Variants in ADGRL3 observed in about 807,000 individuals in gnomAD.
The protein encoded by ADGRL3 is adhesion G protein-coupled receptor L3, also known as calcium-independent alpha-latrotoxin receptor 3.
ADGRL3 carries 62 observed loss-of-function variants against 153.5 expected under a neutral mutation model. That is an observed-to-expected ratio of 0.40 (90% CI 0.33 to 0.50). The LOEUF (loss-of-function observed/expected upper bound fraction) is 0.50, where lower values mean the gene tolerates loss of function less well. Ranked by LOEUF, ADGRL3 falls within the 20% of genes least tolerant of loss-of-function variation. The pLI is 0.47. For missense variants in ADGRL3, 1,641 were observed against 1,859.4 expected, an observed-to-expected ratio of 0.88 and a Z score of 2.16; for synonymous variants, 710 against 672.5, an observed-to-expected ratio of 1.06 and a Z score of -0.86.
intron 5 of ADGRL3, among the ~76,000 whole-genome samples, chr4:61,604,039 A>C (rs2099022627): frequency 6.6e-6 from 1 of 152,124 alleles, no homozygotes; most frequent in Non-Finnish European, 1.5e-5. Flanking sequence ...TTGAATTCTA[A>C]TTTTAGTTTT....
intron 4 of ADGRL3, among the ~76,000 whole-genome samples, chr4:61,563,585 A>T (rs1467221357): frequency 6.6e-6 from 1 of 152,228 alleles, no homozygotes; most frequent in East Asian, 1.9e-4. Flanking sequence ...TCTGCATTGG[A>T]AATCTGTCGT....
At chr4:61,373,797 A>G (rs1426951016) in intron 1 of ADGRL3, among the ~76,000 whole-genome samples, 1 of 152,208 alleles carries the variant, frequency 6.6e-6, no homozygotes, top group African/African-American at 2.4e-5. Flanking sequence ...TCCTACAAAA[A>G]GCCAACAGGT....
At chr4:61,324,793 T>G (rs1307848037) in intron 1 of ADGRL3, among the ~76,000 whole-genome samples, 1 of 152,210 alleles carries the variant, frequency 6.6e-6, no homozygotes, top group Non-Finnish European at 1.5e-5. Context: ...CTAAACTTTT[T>G]GGCATTTTTG....
intron 5 of ADGRL3, among the ~76,000 whole-genome samples, chr4:61,662,584 C>T (rs1471359705): frequency 6.6e-6 from 1 of 152,160 alleles, no homozygotes; most frequent in Non-Finnish European, 1.5e-5. Context: ...GCAGGCACTC[C>T]TTGGCAGGAA....
chr4:62,023,339 CT>C (rs1448093520), intron 21 of ADGRL3, among the ~76,000 whole-genome samples: 1 of 152,104 alleles, frequency 6.6e-6, no homozygotes, highest in Non-Finnish European at 1.5e-5. Flanking sequence ...AAAGTGGTTT[CT>C]TAAGATAGAA....
intron 1 of ADGRL3, among the ~76,000 whole-genome samples, chr4:61,361,335 T>C (rs2096278915): frequency 6.6e-6 from 1 of 152,148 alleles, no homozygotes; most frequent in African/African-American, 2.4e-5. Flanking sequence ...CATCATGAGA[T>C]GAGAGGGAAG....
intron 5 of ADGRL3, among the ~76,000 whole-genome samples, chr4:61,657,910 G>T (rs768785830): frequency 6.6e-6 from 1 of 152,108 alleles, no homozygotes; most frequent in Non-Finnish European, 1.5e-5. Context: ...GCTTCTATCT[G>T]CCCCCATGGC....
chr4:61,754,230 GT>G (rs1260955229), intron 8 of ADGRL3, among the ~76,000 whole-genome samples: 3 of 152,018 alleles, frequency 2.0e-5, no homozygotes, highest in African/African-American at 7.2e-5. Context: ...AATGTTTCTA[GT>G]TATTTTCTGT....
At chr4:61,709,257 A>G (rs1254682061) in intron 6 of ADGRL3, among the ~76,000 whole-genome samples, 14 of 152,150 alleles carry the variant, frequency 9.2e-5, no homozygotes, top group Non-Finnish European at 5.9e-5. Flanking sequence ...ATTTTAGTCT[A>G]ATTTATGCAT....
At chr4:61,571,744 A>G (rs1242428455) in intron 4 of ADGRL3, among the ~76,000 whole-genome samples, 2 of 152,216 alleles carry the variant, frequency 1.3e-5, no homozygotes, top group Non-Finnish European at 1.5e-5. Context: ...CTAATCATTT[A>G]CTATGTGCCT....
chr4:61,959,043 T>C (rs1458856087), intron 17 of ADGRL3, among the ~76,000 whole-genome samples: 1 of 152,222 alleles, frequency 6.6e-6, no homozygotes, highest in Non-Finnish European at 1.5e-5. Flanking sequence ...ATTGTATACT[T>C]AACTGAGTTA....
chr4:61,736,380 G>C (rs141556140), intron 8 of ADGRL3, among the ~76,000 whole-genome samples: 1 of 152,162 alleles, frequency 6.6e-6, no homozygotes, highest in Admixed American at 6.5e-5. Context: ...AAGGCTGGGC[G>C]TGGTGGCTCT....
rs75961172 is a variant in ADGRL3 at position 61,851,258 on chromosome 4, C to A, written c.1480+37369C>A. Among the ~76,000 whole-genome samples, 1,184 of 152,004 alleles carry A rather than the reference C, an allele frequency of 7.8e-3. 17 individuals carry two copies. The highest frequency in any genetic ancestry group is 0.028 in the African/African-American group (1,146 of 41,460). On this transcript the variant is annotated intron_variant, in intron 9 of 26. Coordinates refer to ENST00000683033, the MANE Select transcript of ADGRL3 (RefSeq NM_001387552.1). ...AACTCAGAAAGGGATATATTTATTT[C>A]AAGAATATTTGTTACATACTTAGAA...
chr4:61,503,878 T>G (rs1233461048), intron 3 of ADGRL3, among the ~76,000 whole-genome samples: 1 of 152,166 alleles, frequency 6.6e-6, no homozygotes, highest in African/African-American at 2.4e-5. Flanking sequence ...CATTTTTTTG[T>G]TTTGGGAATG....
chr4:61,551,704 TCAAA>T (rs2148818991), intron 4 of ADGRL3, among the ~76,000 whole-genome samples: 1 of 152,286 alleles, frequency 6.6e-6, no homozygotes, highest in East Asian at 1.9e-4. Context: ...CACATTCATC[TCAAA>T]CAAACATAGT....
At chr4:61,572,975 A>G (rs536426541) in intron 4 of ADGRL3, among the ~76,000 whole-genome samples, 1 of 152,162 alleles carries the variant, frequency 6.6e-6, no homozygotes, top group East Asian at 1.9e-4. Flanking sequence ...GATAATTTAC[A>G]TGCCAAACTC....
At position 61,377,132 on chromosome 4, in the gene ADGRL3, C is replaced by T. The variant is rs58395911; in HGVS notation, c.-239-5992C>T. Among the ~76,000 whole-genome samples, 754 of 152,050 alleles carry T rather than the reference C, an allele frequency of 5.0e-3. 47 individuals are homozygous for T. The East Asian group carries it at 0.14, about 28-fold the overall frequency. On this transcript the variant is annotated intron_variant, in intron 1 of 26. Coordinates refer to ENST00000683033, the MANE Select transcript of ADGRL3 (RefSeq NM_001387552.1). ...GTTCCCTTCTTTTGCCTTTACCTTC[C>T]CTATCATATCCTATGGTATGGTATG...
chr4:61,932,465 G>A (rs1393744381), intron 13 of ADGRL3, among the ~76,000 whole-genome samples: 1 of 152,068 alleles, frequency 6.6e-6, no homozygotes, highest in Non-Finnish European at 1.5e-5. Context: ...TGTTAATGTG[G>A]TGTATCACAT....
Position 61,936,037 on chromosome 4 carries a change from G to T in ADGRL3, c.2411G>T (p.Gly804Val). 2 of 1,610,988 alleles carry T rather than the reference G, an allele frequency of 1.2e-6. No individual in the cohort carries two copies. Among genetic ancestry groups the T allele is most frequent in the South Asian group, 2.2e-5 (2 of 90,370 alleles). Residue 804 changes from glycine (G) to valine (V), a missense_variant, in exon 15 of 27, where the codon GGC becomes GTC. Physicochemically the swap from Gly to Val is moderately radical, Grantham distance 109. Transcript: ENST00000683033. ...QLSANTLKQNGRNGEIRVAFV... is the reference protein window; with the variant it reads ...QLSANTLKQNVRNGEIRVAFV... ...TCTGCAAATACCTTAAAGCAAAATG[G>T]CCGAAATGGTAGGTTAGAGTTTATT...
Sources: allele counts gnomAD v4.1 joint callset (sites outside exome capture counted in the v4.1 genomes callset), GRCh38; gene constraint gnomAD v4.1.1; transcripts MANE v1.5; gene names NCBI Gene and HGNC (gene_info 2026-07-23, HGNC 2026-07-21).